Variants in ADGRL3 observed in about 807,000 individuals in gnomAD.
ADGRL3 encodes the protein calcium-independent alpha-latrotoxin receptor 3.
ADGRL3 carries 62 observed loss-of-function variants against 153.5 expected under a neutral mutation model. That is an observed-to-expected ratio of 0.40 (90% CI 0.33 to 0.50). ADGRL3 has a LOEUF of 0.50. Among genes scored for constraint, ADGRL3 ranks in the 20% least tolerant of loss-of-function variants. The pLI, the probability that ADGRL3 is intolerant of heterozygous loss-of-function variation, is 0.47. For synonymous variants in ADGRL3, 710 were observed against 672.5 expected (o/e 1.06, Z -0.86); for missense variants, 1,641 against 1,859.4 (o/e 0.88, Z 2.16).
chr4:61,644,538 T>C (rs190325163), intron 5 of ADGRL3, among the ~76,000 whole-genome samples: 1 of 152,336 alleles, frequency 6.6e-6, no homozygotes, highest in East Asian at 1.9e-4. Flanking sequence ...TTCATTTCTT[T>C]ATGTACCCAG....
chr4:62,013,319 G>A (rs912670140), intron 21 of ADGRL3, among the ~76,000 whole-genome samples: 9 of 152,062 alleles, frequency 5.9e-5, no homozygotes, highest in African/African-American at 2.2e-4. Flanking sequence ...CAGATCATCT[G>A]ATGTCAGGAG....
intron 1 of ADGRL3, among the ~76,000 whole-genome samples, chr4:61,251,378 G>A (rs1490383324): frequency 1.3e-5 from 2 of 152,132 alleles, no homozygotes; most frequent in African/African-American, 2.4e-5. Flanking sequence ...GGGAACGCTC[G>A]GAGAGCAGGT....
chr4:61,783,913 G>T (rs1388016002), intron 8 of ADGRL3, among the ~76,000 whole-genome samples: 1 of 151,982 alleles, frequency 6.6e-6, no homozygotes, highest in African/African-American at 2.4e-5. Context: ...ATTAGATTAG[G>T]TTAAACTATA....
intron 8 of ADGRL3, chr4:61,775,841 C>A (rs1168325681): frequency 7.4e-6 from 4 of 541,132 alleles, no homozygotes. Context: ...GCAATACCTT[C>A]CTCGGCCATG....
At chr4:61,862,971 T>C (rs900009697) in intron 9 of ADGRL3, among the ~76,000 whole-genome samples, 7 of 152,130 alleles carry the variant, frequency 4.6e-5, no homozygotes, top group African/African-American at 1.7e-4. Context: ...CCACAGTGAT[T>C]CTAATTGAGT....
At chr4:62,058,604 G>A (rs1364769448) in intron 25 of ADGRL3, among the ~76,000 whole-genome samples, 6 of 152,092 alleles carry the variant, frequency 3.9e-5, no homozygotes, top group Admixed American at 1.3e-4. Context: ...TTTCACATAT[G>A]TAATATTGTA....
intron 9 of ADGRL3, among the ~76,000 whole-genome samples, chr4:61,875,399 T>C (rs531620783): frequency 2.8e-4 from 42 of 152,262 alleles, no homozygotes; most frequent in African/African-American, 9.1e-4. Context: ...AACACAAAAA[T>C]AGTTATTGAA....
At position 61,983,620 on chromosome 4, in the gene ADGRL3, C is replaced by T; in HGVS notation, c.3236+17C>T. 6.2e-7 allele frequency: 1 copy of T among 1,603,062 alleles called. No homozygotes were observed. The highest frequency in any genetic ancestry group is 8.5e-7 in the Non-Finnish European group (1 of 1,172,248). On this transcript the variant is annotated intron_variant, in intron 19 of 26. Coordinates refer to ENST00000683033, the MANE Select transcript of ADGRL3 (RefSeq NM_001387552.1). Reference sequence around the variant, plus strand: ...AGATAAAGTGTAAGTTTATTGTTTTCTTTCTTTTTAAATCTAGGTGAAATA... The same window carrying T: ...AGATAAAGTGTAAGTTTATTGTTTTTTTTCTTTTTAAATCTAGGTGAAATA...
intron 2 of ADGRL3, among the ~76,000 whole-genome samples, chr4:61,467,463 A>G (rs552471404): frequency 1.7e-4 from 26 of 151,404 alleles, no homozygotes; most frequent in African/African-American, 6.0e-4. Flanking sequence ...GTCTGATTGC[A>G]TTTCAGATGT....
At chr4:62,007,226 T>C (rs867556152) in intron 21 of ADGRL3, among the ~76,000 whole-genome samples, 3 of 150,450 alleles carry the variant, frequency 2.0e-5, no homozygotes, top group African/African-American at 7.3e-5. Context: ...CCCTTGCTGG[T>C]ATCACATGTC....
At chr4:61,874,407 T>C (rs2098462219) in intron 9 of ADGRL3, among the ~76,000 whole-genome samples, 1 of 152,162 alleles carries the variant, frequency 6.6e-6, no homozygotes, top group Admixed American at 6.6e-5. Flanking sequence ...TTTGCTATAA[T>C]GTAATCACGT....
intron 6 of ADGRL3, among the ~76,000 whole-genome samples, chr4:61,696,129 A>C (rs199903363): frequency 6.6e-6 from 1 of 152,186 alleles, no homozygotes; most frequent in Non-Finnish European, 1.5e-5. Flanking sequence ...CTGGAGTAGC[A>C]CTTTTAATTT....
intron 21 of ADGRL3, among the ~76,000 whole-genome samples, chr4:62,011,516 A>G (rs564581047): frequency 6.6e-6 from 1 of 152,060 alleles, no homozygotes; most frequent in Non-Finnish European, 1.5e-5. Flanking sequence ...CTTATGATCT[A>G]CTTCAGAGAG....
chr4:61,936,995 G>A (rs748806889), intron 15 of ADGRL3, among the ~76,000 whole-genome samples: 1 of 152,138 alleles, frequency 6.6e-6, no homozygotes, highest in Admixed American at 6.5e-5. Context: ...AAAATGGTCT[G>A]TAAATGTTAG....
chr4:61,995,352 T>A lies in ADGRL3; in HGVS notation c.3237-939T>A, dbSNP rs115498003. 5.1e-3 allele frequency among the ~76,000 whole-genome samples: 783 copies of A among 152,252 alleles called. 6 individuals are homozygous for A. The highest frequency in any genetic ancestry group is 0.018 in the African/African-American group (730 of 41,552). Reference sequence around the variant, plus strand: ...ATTTCTAATTTCCCTTCTTAATAGATTTCTGTTATTCCATTATTGCTTAGG... The same window carrying A: ...ATTTCTAATTTCCCTTCTTAATAGAATTCTGTTATTCCATTATTGCTTAGG... On this transcript the variant is annotated intron_variant, in intron 19 of 26. Transcript: ENST00000683033.
chr4:61,260,040 G>A (rs1004278283), intron 1 of ADGRL3, among the ~76,000 whole-genome samples: 2 of 152,124 alleles, frequency 1.3e-5, no homozygotes, highest in South Asian at 2.1e-4. Flanking sequence ...CTTATGAGAC[G>A]TGTAAGATTA....
chr4:61,393,321 A>G (rs1296194806), intron 2 of ADGRL3, among the ~76,000 whole-genome samples: 1 of 152,142 alleles, frequency 6.6e-6, no homozygotes, highest in Non-Finnish European at 1.5e-5. Flanking sequence ...TTAAAGAAAA[A>G]CAGTTTTGGT....
intron 9 of ADGRL3, among the ~76,000 whole-genome samples, chr4:61,857,702 T>TCTTC (rs3065850): frequency 1.2e-4 from 18 of 147,848 alleles, no homozygotes; most frequent in African/African-American, 4.5e-4. Context: ...TTCCTTCCTT[T>TCTTC]CTTCCTTTCC....
At chr4:61,276,307 A>G (rs1371130644) in intron 1 of ADGRL3, among the ~76,000 whole-genome samples, 1 of 152,068 alleles carries the variant, frequency 6.6e-6, no homozygotes, top group East Asian at 1.9e-4. Context: ...CTTTTAAACC[A>G]TTTGTATTTC....
Sources: allele counts gnomAD v4.1 joint callset (sites outside exome capture counted in the v4.1 genomes callset), GRCh38; gene constraint gnomAD v4.1.1; transcripts MANE v1.5; gene names NCBI Gene and HGNC (gene_info 2026-07-23, HGNC 2026-07-21).